Variants in AREG observed in about 807,000 individuals in gnomAD.
AREG encodes the protein amphiregulin B.
In AREG, 16 loss-of-function variants were observed where a neutral mutation model predicts 28.0. The ratio of observed to expected loss-of-function variants is 0.57; its 90% CI spans 0.39 to 0.87. The LOEUF (loss-of-function observed/expected upper bound fraction) is 0.87. Ranked by LOEUF, AREG falls within the 40% of genes least tolerant of loss-of-function variation. AREG has a pLI of 0.00. For synonymous variants in AREG, 113 were observed against 113.5 expected (o/e 1.00, Z 0.02); for missense variants, 287 against 309.1 (o/e 0.93, Z 0.53).
At position 74,448,372 on chromosome 4, in the gene AREG, T is replaced by C. The variant is rs945203336; in HGVS notation, c.311-675T>C. ...CATTTCCTTAATCACAGATATTCTA[T>C]CTTTGATACCCTAGTTGACCTTCAC... On this transcript the variant is annotated intron_variant, in intron 2 of 5. Coordinates refer to ENST00000395748, the MANE Select transcript of AREG (RefSeq NM_001657.4). Among the ~76,000 whole-genome samples the C allele has an allele frequency of 3.3e-5, 5 of 152,370 alleles. 1 individual carries two copies. Among genetic ancestry groups the C allele is most frequent in the Admixed American group, 3.3e-4 (5 of 15,310 alleles).
Position 74,445,136 on chromosome 4 carries a change from A to G in AREG, c.-210A>G. On this transcript the variant is annotated 5_prime_UTR_variant, in exon 1 of 6. Coordinates refer to ENST00000395748, the MANE Select transcript of AREG (RefSeq NM_001657.4). ...AAGCGGCAGGTGCGCGCCGCCCTAC[A>G]GACGTTCGCACACCTGGGTGCCAGC... The G allele has an allele frequency of 1.8e-6, 2 of 1,107,462 alleles. No homozygotes were observed. The highest frequency in any genetic ancestry group is 2.5e-6 in the Non-Finnish European group (2 of 802,228). 68.6% of individuals were successfully genotyped at this position (1,107,462 alleles called of 1,614,324 possible).
Position 74,449,039 on chromosome 4 carries a change from T to G in AREG, c.311-8T>G. ...GAGACTCTTGTCAATAAATCTTTTC[T>G]TTTTTAGTTGAACAGGTAGTTAAGC... On this transcript the variant is annotated splice_region_variant and splice_polypyrimidine_tract_variant and intron_variant, in intron 2 of 5. Transcript: ENST00000395748. 6.2e-7 allele frequency: 1 copy of G among 1,608,014 alleles called. No individual in the cohort carries two copies. Among genetic ancestry groups the G allele is most frequent in the Non-Finnish European group, 8.5e-7 (1 of 1,179,008 alleles).
At chr4:74,449,374 C>A in intron 3 of AREG, 126 bp downstream of exon 3, 1 of 1,505,692 alleles carries the variant, frequency 6.6e-7, no homozygotes, top group Non-Finnish European at 9.0e-7. Flanking sequence ...GTTAAAGCAC[C>A]AGATAGTAAA....
Position 74,449,099 on chromosome 4 carries a change from A to G in AREG, c.363A>G (p.Ser121=). Residue 121 remains serine, a synonymous_variant, in exon 3 of 6, where the codon TCA becomes TCG. Transcript: ENST00000395748. ...ACAAGACGGAAAGTGAAAATACTTC[A>G]GATAAACCCAAAAGAAAGAAAAAGG... ...PQNKTESENT[S]DKPKRKKKGG... 1 of 1,612,356 alleles carries G rather than the reference A, an allele frequency of 6.2e-7. No individual in the cohort carries two copies. The highest frequency in any genetic ancestry group is 8.5e-7 in the Non-Finnish European group (1 of 1,179,680).
intron 2 of AREG, among the ~76,000 whole-genome samples, chr4:74,448,463 T>G (rs1229564059): frequency 6.6e-6 from 1 of 152,236 alleles, no homozygotes; most frequent in East Asian, 1.9e-4. Flanking sequence ...TATTTTCTCT[T>G]TACTGAAATC....
At position 74,446,616 on chromosome 4, in the gene AREG, A is replaced by G. The variant is rs769347474; in HGVS notation, c.144A>G (p.Gly48=). Residue 48 remains glycine, a synonymous_variant, in exon 2 of 6, where the codon GGA becomes GGG. Transcript: ENST00000395748. ...EPFSGDHSAD[G]FEVTSRSEMS... is the part of the protein sequence containing the mutation. ...TTTCTGGGGACCACAGTGCTGATGG[A>G]TTTGAGGTTACCTCAAGAAGTGAGA... is the stretch of plus-strand genomic sequence containing the variant. The G allele has an allele frequency of 6.8e-6, 11 of 1,613,838 alleles. No individual in the cohort carries two copies. In the African/African-American group the frequency reaches 1.5e-4, roughly 22 times the overall value.
At chr4:74,446,361 G>A (rs1719286264) in intron 1 of AREG, among the ~76,000 whole-genome samples, 173 bp from the exon 2 acceptor site, 1 of 152,212 alleles carries the variant, frequency 6.6e-6, no homozygotes, top group Non-Finnish European at 1.5e-5. Context: ...AGCTGAATTT[G>A]CTTGCTGGCA....
rs917128289 is a variant in AREG, at chr4:74,445,154, G to A, written c.-192G>A. On this transcript the variant is annotated 5_prime_UTR_variant, in exon 1 of 6. The change creates a new upstream start codon in the 5' untranslated region. Coordinates refer to ENST00000395748, the MANE Select transcript of AREG (RefSeq NM_001657.4). ...GCCCTACAGACGTTCGCACACCTGGGTGCCAGCGCCCCAGAGGTCCCGGGA... is the reference window on the plus strand; with the variant it reads ...GCCCTACAGACGTTCGCACACCTGGATGCCAGCGCCCCAGAGGTCCCGGGA... 2 of 1,294,022 alleles carry A rather than the reference G, an allele frequency of 1.5e-6. No homozygotes were observed. The highest frequency in any genetic ancestry group is 2.1e-6 in the Non-Finnish European group (2 of 965,546). 80.2% of individuals were successfully genotyped at this position (1,294,022 alleles called of 1,614,324 possible). A position where few individuals can be genotyped will look rare whatever the true frequency, so the allele number is the denominator to read the frequency against.
At chr4:74,448,985 C>T in intron 2 of AREG, 62 bp from the exon 3 acceptor site, 1 of 1,596,304 alleles carries the variant, frequency 6.3e-7, no homozygotes, top group Non-Finnish European at 8.5e-7. Context: ...ATCTTTCTCT[C>T]ATGTCTCTAA....
intron 2 of AREG, among the ~76,000 whole-genome samples, chr4:74,448,059 C>T (rs962268412): frequency 1.3e-5 from 2 of 152,196 alleles, no homozygotes; most frequent in African/African-American, 2.4e-5. Flanking sequence ...TGAACACCTT[C>T]GAAAGGCTAA....
intron 5 of AREG, 67 bp downstream of exon 5, chr4:74,452,722 C>A: frequency 7.2e-7 from 1 of 1,382,912 alleles, no homozygotes; most frequent in South Asian, 1.3e-5. Flanking sequence ...ACTATATAAT[C>A]TCAAGAAAAA....
At chr4:74,449,505 G>T (rs1287282341) in intron 3 of AREG, among the ~76,000 whole-genome samples, 1 of 152,170 alleles carries the variant, frequency 6.6e-6, no homozygotes, top group African/African-American at 2.4e-5. Flanking sequence ...CAGCACTTTG[G>T]GGGGCCGAGG....
chr4:74,453,254 G>A (rs1177159514), intron 5 of AREG, among the ~76,000 whole-genome samples: 1 of 152,184 alleles, frequency 6.6e-6, no homozygotes, highest in African/African-American at 2.4e-5. Flanking sequence ...AGTTGCGGGT[G>A]CTTGCACTGA....
At position 74,449,215 on chromosome 4, in the gene AREG, A is replaced by C. The variant is rs1464529739; in HGVS notation, c.479A>C (p.Lys160Thr). The C allele has an allele frequency of 6.2e-7, 1 of 1,613,354 alleles. No individual in the cohort carries two copies. The highest frequency in any genetic ancestry group is 1.3e-5 in the African/African-American group (1 of 74,812). The part of the protein sequence containing the change: ...FQNFCIHGEC[K>T]YIEHLEAVTC... ...AATTTCTGCATTCACGGAGAATGCAAATATATAGAGCACCTGGAAGCAGTA... is the reference window on the plus strand; with the variant it reads ...AATTTCTGCATTCACGGAGAATGCACATATATAGAGCACCTGGAAGCAGTA... Residue 160 changes from lysine to threonine, a missense_variant, in exon 3 of 6, where the codon AAA becomes ACA. Physicochemically the swap from Lys to Thr is moderately conservative, Grantham distance 78. Transcript: ENST00000395748.
At chr4:74,450,259 C>T (rs1359387527) in intron 3 of AREG, 121 bp from the exon 4 acceptor site, 47 of 1,475,042 alleles carry the variant, frequency 3.2e-5, no homozygotes, top group Non-Finnish European at 4.0e-5. Context: ...ATTTAAAATA[C>T]GAGTATATGG....
chr4:74,446,444 T>C (rs1490230553), intron 1 of AREG, 90 bp from the exon 2 acceptor site: 17 of 1,607,974 alleles, frequency 1.1e-5, no homozygotes, highest in Non-Finnish European at 1.4e-5. Flanking sequence ...TGCTTTGATG[T>C]CAAAAGATAA....
intron 5 of AREG, among the ~76,000 whole-genome samples, chr4:74,453,309 T>C (rs926986437): frequency 4.9e-4 from 75 of 152,292 alleles, no homozygotes; most frequent in African/African-American, 1.8e-3. Context: ...ATGCTCTTTT[T>C]TTACAAAAGG....
chr4:74,449,033 C>G lies in AREG; in HGVS notation c.311-14C>G. The G allele has an allele frequency of 6.2e-7, 1 of 1,607,104 alleles. No individual in the cohort carries two copies. The highest frequency in any genetic ancestry group is 8.5e-7 in the Non-Finnish European group (1 of 1,178,848). ...GTTTGAGAGACTCTTGTCAATAAATCTTTTCTTTTTTAGTTGAACAGGTAG... is the reference window on the plus strand; with the variant it reads ...GTTTGAGAGACTCTTGTCAATAAATGTTTTCTTTTTTAGTTGAACAGGTAG... On this transcript the variant is annotated splice_polypyrimidine_tract_variant and intron_variant, in intron 2 of 5. Coordinates refer to ENST00000395748, the MANE Select transcript of AREG (RefSeq NM_001657.4).
At chr4:74,448,018 A>G (rs1719319727) in intron 2 of AREG, among the ~76,000 whole-genome samples, 1 of 152,344 alleles carries the variant, frequency 6.6e-6, no homozygotes, top group African/African-American at 2.4e-5. Context: ...CAAAATTGCA[A>G]TGCATTGTGA....
Sources: allele counts gnomAD v4.1 joint callset (sites outside exome capture counted in the v4.1 genomes callset), GRCh38; gene constraint gnomAD v4.1.1; transcripts MANE v1.5; gene names NCBI Gene and HGNC (gene_info 2026-07-23, HGNC 2026-07-21).